The following KCNT1 variants were observed in gnomAD, a reference collection of about 807,000 sequenced individuals.
KCNT1 encodes the protein potassium sodium-activated channel subfamily T member 1, also known as potassium channel subfamily T member 1.
In KCNT1, 78 loss-of-function variants were observed where a neutral mutation model predicts 147.8. That is an observed-to-expected ratio of 0.53 (90% CI 0.44 to 0.64). The LOEUF (loss-of-function observed/expected upper bound fraction) is 0.64, where lower values mean the gene tolerates loss of function less well. Among genes scored for constraint, KCNT1 ranks in the 30% least tolerant of loss-of-function variants. KCNT1 has a pLI of 0.00. For missense variants in KCNT1, 1,419 were observed against 1,750.3 expected (o/e 0.81, Z 3.38); for synonymous variants, 867 against 748.8 (o/e 1.16, Z -2.58).
intron 18 of KCNT1, among the ~76,000 whole-genome samples, chr9:135,772,091 G>C (rs568005408): frequency 6.6e-6 from 1 of 152,178 alleles, no homozygotes; most frequent in East Asian, 1.9e-4. Flanking sequence ...CAGCTCACTC[G>C]GGGGGCCGGG....
At chr9:135,707,862 C>T (rs555156349) in intron 1 of KCNT1, among the ~76,000 whole-genome samples, 1 of 152,298 alleles carries the variant, frequency 6.6e-6, no homozygotes, top group Admixed American at 6.5e-5. Context: ...GATTTCGGCT[C>T]CTCCATGTGT....
At chr9:135,784,652 T>A (rs745537867) in intron 26 of KCNT1, 34 bp downstream of exon 26, 2 of 1,610,768 alleles carry the variant, frequency 1.2e-6, no homozygotes, top group Non-Finnish European at 1.7e-6. Context: ...GCTGGGGGCG[T>A]GCTGGGCTGT....
chr9:135,777,939 C>T (rs1402477941), intron 21 of KCNT1, among the ~76,000 whole-genome samples: 1 of 147,802 alleles, frequency 6.8e-6, no homozygotes. Flanking sequence ...TTCCTCTGGC[C>T]ACCAGCTCCT....
At chr9:135,759,635 C>T (rs546931245) in intron 10 of KCNT1, 44 bp from the exon 11 acceptor site, 1 of 1,551,128 alleles carries the variant, frequency 6.4e-7, no homozygotes, top group South Asian at 1.2e-5. Flanking sequence ...CACGGCCCCC[C>T]AGCTCCTGGG....
intron 27 of KCNT1, among the ~76,000 whole-genome samples, 185 bp downstream of exon 27, chr9:135,785,074 G>A (rs564178248): frequency 6.6e-6 from 1 of 152,318 alleles, no homozygotes; most frequent in African/African-American, 2.4e-5. Context: ...CCTTCCGTCT[G>A]GTCCGTGTGC....
At chr9:135,785,948 G>C (rs1346880578) in intron 28 of KCNT1, 2 of 559,988 alleles carry the variant, frequency 3.6e-6, no homozygotes, top group Admixed American at 6.9e-5. Context: ...CGAATCCCTT[G>C]ACCAGGCCCG....
rs1185278415 is a variant in KCNT1, at chr9:135,765,471, T to A, written c.1201-153T>A. On this transcript the variant is annotated intron_variant, in intron 12 of 30. Transcript: ENST00000371757. ...AGCCCACAGTCAGGTGGAGGGGCCC[T>A]GCGGGGGCCCCTCTTTTCCCTCCCA... is the stretch of plus-strand genomic sequence containing the variant. Among the ~76,000 whole-genome samples, 3 of 152,208 alleles carry A rather than the reference T, an allele frequency of 2.0e-5. No homozygotes were observed. In the East Asian group the frequency reaches 5.8e-4, roughly 30 times the overall value.
At chr9:135,712,006 G>T (rs1043966260) in intron 1 of KCNT1, among the ~76,000 whole-genome samples, 1 of 152,188 alleles carries the variant, frequency 6.6e-6, no homozygotes, top group Non-Finnish European at 1.5e-5. Flanking sequence ...GAAGTGACTC[G>T]CCGGGGGCCG....
chr9:135,775,266 C>T (rs1833080539), intron 19 of KCNT1, 44 bp from the exon 20 acceptor site: 1 of 1,478,954 alleles, frequency 6.8e-7, no homozygotes, highest in Non-Finnish European at 9.3e-7. Flanking sequence ...CAGACCCAGC[C>T]ACCTCTGTGC....
At position 135,792,052 on chromosome 9, in the gene KCNT1, G is replaced by A. The variant is rs780857518; in HGVS notation, c.3599G>A (p.Arg1200His). 9.4e-6 allele frequency: 15 copies of A among 1,603,944 alleles called. No individual in the cohort carries two copies. The highest frequency in any genetic ancestry group is 2.7e-5 in the African/African-American group (2 of 74,888). ...LEPSDIVYLI[R>H]SDPLAHVASS... ...GTGCCCTCCCGCAGCTATCTCATCC[G>A]CTCCGACCCCCTGGCTCACGTGGCC... The change falls in exon 31 of 31, where the codon CGC (arginine) becomes CAC (histidine). Residue 1200 changes from arginine to histidine, a missense_variant. Arg to His is a conservative substitution (Grantham distance 29). Around this residue, in one of 5 missense-constraint regions of KCNT1, gnomAD observed 306 missense variants for 294.2 expected, o/e 1.04. Coordinates refer to ENST00000371757, the MANE Select transcript of KCNT1 (RefSeq NM_020822.3).
chr9:135,712,311 T>C (rs780282808), intron 1 of KCNT1, among the ~76,000 whole-genome samples: 24 of 152,274 alleles, frequency 1.6e-4, no homozygotes, highest in Non-Finnish European at 2.5e-4. Context: ...AGAATTCTTA[T>C]GGAAATTGGT....
At chr9:135,791,484 T>C in intron 29 of KCNT1, 1 of 361,552 alleles carries the variant, frequency 2.8e-6, no homozygotes, top group Middle Eastern at 8.3e-4. Flanking sequence ...TGCGCTGGTG[T>C]GTGCAGGTGT....
chr9:135,749,869 C>T (rs749395867), intron 2 of KCNT1, among the ~76,000 whole-genome samples: 2 of 152,038 alleles, frequency 1.3e-5, no homozygotes, highest in East Asian at 3.9e-4. Flanking sequence ...CCCAGGGCTG[C>T]GGGGAGGAAT....
intron 1 of KCNT1, among the ~76,000 whole-genome samples, chr9:135,710,232 C>T (rs999854247): frequency 4.6e-5 from 7 of 152,166 alleles, no homozygotes; most frequent in African/African-American, 1.7e-4. Flanking sequence ...ACACTTTTCC[C>T]TGTATTTTCT....
intron 22 of KCNT1, 94 bp from the exon 23 acceptor site, chr9:135,778,594 G>A (rs1043139801): frequency 2.4e-5 from 38 of 1,601,676 alleles, no homozygotes; most frequent in Middle Eastern, 1.7e-4. Flanking sequence ...GGGGTGGGGG[G>A]CTGAGGTCCT....
intron 2 of KCNT1, among the ~76,000 whole-genome samples, chr9:135,731,981 TATATATATATAGAGAGAGAG>T (rs1254334768): frequency 1.1e-3 from 30 of 26,570 alleles, no homozygotes; most frequent in Non-Finnish European, 1.8e-3. Context: ...TATATATATA[TATATATATATAGAGAGAGAG>T]AGAGAGAGAG....
intron 2 of KCNT1, among the ~76,000 whole-genome samples, chr9:135,735,286 GT>G (rs1008322992): frequency 1.3e-5 from 2 of 152,220 alleles, no homozygotes; most frequent in Non-Finnish European, 2.9e-5. Context: ...GCGCCAGTGA[GT>G]TGGTCATTTT....
intron 10 of KCNT1, among the ~76,000 whole-genome samples, chr9:135,759,406 C>T (rs561086707): frequency 5.3e-5 from 8 of 152,284 alleles, no homozygotes; most frequent in Non-Finnish European, 1.0e-4. Flanking sequence ...AGGGAGGCTC[C>T]GGGGAATTCG....
At chr9:135,733,233 C>T (rs1263093805) in intron 2 of KCNT1, among the ~76,000 whole-genome samples, 1 of 116,568 alleles carries the variant, frequency 8.6e-6, no homozygotes, top group Non-Finnish European at 1.8e-5. Flanking sequence ...CCACAACTGC[C>T]CCCCATACCT....
Sources: allele counts gnomAD v4.1 joint callset (sites outside exome capture counted in the v4.1 genomes callset), GRCh38; gene constraint gnomAD v4.1.1; regional missense constraint gnomAD v4.1.1; transcripts MANE v1.5; gene names NCBI Gene and HGNC (gene_info 2026-07-23, HGNC 2026-07-21).